Variants in RRAGC observed in about 807,000 individuals in gnomAD.
RRAGC encodes Ras related GTP binding C, also known as ras-related GTP-binding protein C.
Under a neutral mutation model 37.1 loss-of-function variants are expected in RRAGC, and 8 were observed. The observed-to-expected ratio is 0.22, with a 90% confidence interval of 0.13 to 0.39. The LOEUF is 0.39. RRAGC is among the 10% of genes least tolerant of loss of function. The pLI is 1.00. For missense variants in RRAGC, 342 were observed against 497.6 expected (o/e 0.69, Z 2.98); for synonymous variants, 190 against 181.1 (o/e 1.05, Z -0.39).
At chr1:38,856,707 G>A (rs755867416) in intron 2 of RRAGC, 172 bp downstream of exon 2, 1 of 607,244 alleles carries the variant, frequency 1.6e-6, no homozygotes, top group Admixed American at 3.0e-5. Context: ...TTCTGTACCT[G>A]CACAATGCAT....
At chr1:38,842,186 G>A (rs1641972392) in intron 6 of RRAGC, among the ~76,000 whole-genome samples, 1 of 152,092 alleles carries the variant, frequency 6.6e-6, no homozygotes, top group African/African-American at 2.4e-5. Context: ...GCAGGAGAAT[G>A]GCATGAACCC....
intron 6 of RRAGC, 58 bp from the exon 7 acceptor site, chr1:38,839,762 T>A: frequency 6.3e-7 from 1 of 1,574,944 alleles, no homozygotes; most frequent in Non-Finnish European, 8.7e-7. Context: ...AAATTTTATA[T>A]TTGGGTTTGC....
At position 38,854,846 on chromosome 1, in the gene RRAGC, G is replaced by A. The variant is rs74496055; in HGVS notation, c.641+862C>T. ...TAAAGAAGTCACAACAATAGAACGG[G>A]GACAGAGAAATAACTTGCTGTCTCT... On this transcript the variant is annotated intron_variant, in intron 3 of 6. Coordinates refer to ENST00000373001, the MANE Select transcript of RRAGC (RefSeq NM_022157.4). Among the ~76,000 whole-genome samples the A allele has an allele frequency of 9.1e-3, 1,388 of 152,086 alleles. 17 individuals are homozygous for A. The highest frequency in any genetic ancestry group is 0.032 in the African/African-American group (1,308 of 41,466).
In RRAGC at chr1:38,845,890, G is replaced by A. The variant is rs1218003715; in HGVS notation, c.1048+49C>T. 24 of 1,481,374 alleles carry A rather than the reference G, an allele frequency of 1.6e-5. No homozygotes were observed. The African/African-American group carries it at 1.8e-4, about 11-fold the overall frequency. 91.8% of individuals were successfully genotyped at this position (1,481,374 alleles called of 1,614,324 possible). Reference sequence around the variant, plus strand: ...TCACTTGTTTTCAAGAACCTGAGAAGTTATGGCAAAGAAATTAACATAAAA... The same window carrying A: ...TCACTTGTTTTCAAGAACCTGAGAAATTATGGCAAAGAAATTAACATAAAA... On this transcript the variant is annotated intron_variant, in intron 6 of 6. Coordinates refer to ENST00000373001, the MANE Select transcript of RRAGC (RefSeq NM_022157.4).
intron 2 of RRAGC, among the ~76,000 whole-genome samples, chr1:38,856,292 T>C (rs779916177): frequency 6.6e-5 from 10 of 152,194 alleles, no homozygotes; most frequent in Non-Finnish European, 1.2e-4. Flanking sequence ...CCTAACAATA[T>C]TGTGAAGCTT....
At position 38,859,642 on chromosome 1, in the gene RRAGC, G is replaced by T; in HGVS notation, c.5C>A (p.Ser2Tyr). 1 of 1,554,406 alleles carries T rather than the reference G, an allele frequency of 6.4e-7. No homozygotes were observed. ...CGTCTCCTCCGCCCCGTACTGCAGG[G>T]ACATGGTGCTGGAGCCGCCGCCGCC... is the stretch of plus-strand genomic sequence containing the variant. M[S>Y]LQYGAEETPL... is the part of the protein sequence containing the mutation. Residue 2 changes from serine to tyrosine, a missense_variant, in exon 1 of 7, where the codon TCC becomes TAC. By Grantham distance (144) the Ser-to-Tyr change is moderately radical (BLOSUM62 -2). Around this residue, in one of 3 missense-constraint regions of RRAGC, gnomAD observed 104 missense variants for 93.4 expected, o/e 1.11. Coordinates refer to ENST00000373001, the MANE Select transcript of RRAGC (RefSeq NM_022157.4).
chr1:38,842,944 CTA>C (rs1641981754), intron 6 of RRAGC, among the ~76,000 whole-genome samples: 2 of 152,096 alleles, frequency 1.3e-5, no homozygotes, highest in African/African-American at 4.8e-5. Context: ...ATACAATACT[CTA>C]TTGTTTAAGG....
In RRAGC at chr1:38,859,662, G is replaced by C; in HGVS notation, c.-16C>G. The C allele has an allele frequency of 6.5e-7, 1 of 1,531,334 alleles. No individual in the cohort carries two copies. The highest frequency in any genetic ancestry group is 2.5e-5 in the East Asian group (1 of 39,366). 94.9% of individuals were successfully genotyped at this position (1,531,334 alleles called of 1,614,324 possible). A position where few individuals can be genotyped will look rare whatever the true frequency, so the allele number is the denominator to read the frequency against. On this transcript the variant is annotated 5_prime_UTR_variant, in exon 1 of 7. Coordinates refer to ENST00000373001, the MANE Select transcript of RRAGC (RefSeq NM_022157.4). ...GCAGGGACATGGTGCTGGAGCCGCC[G>C]CCGCCCGCGCCCTGACAGGCCAGGC...
chr1:38,849,835 G>A (rs1642076667), intron 5 of RRAGC, among the ~76,000 whole-genome samples: 1 of 152,154 alleles, frequency 6.6e-6, no homozygotes, highest in Non-Finnish European at 1.5e-5. Flanking sequence ...CTCATCCATT[G>A]TTTAAATTAG....
intron 5 of RRAGC, among the ~76,000 whole-genome samples, chr1:38,850,724 G>C (rs1280560315): frequency 6.6e-6 from 1 of 152,136 alleles, no homozygotes; most frequent in African/African-American, 2.4e-5. Flanking sequence ...GACACAGGTA[G>C]TAGAAAGCAA....
Position 38,857,021 on chromosome 1 carries a change from T to A in RRAGC, c.299A>T (p.Tyr100Phe), listed in dbSNP as rs1218141736. The A allele has an allele frequency of 4.3e-6, 7 of 1,613,964 alleles. No homozygotes were observed. In the Middle Eastern group the frequency reaches 4.9e-4, roughly 114 times the overall value. ...GGAGCTATTGGAAATGTCATCCTTA[T>A]AAATCTTGTTGGTACTTTCCAAAAA... ...TLFLESTNKI[Y>F]KDDISNSSFV... is the part of the protein sequence containing the mutation. The change falls in exon 2 of 7, where the codon TAT (tyrosine) becomes TTT (phenylalanine). Residue 100 changes from tyrosine (Y) to phenylalanine (F), a missense_variant. Around this residue, in one of 3 missense-constraint regions of RRAGC, gnomAD observed 134 missense variants for 277.2 expected, o/e 0.48. Coordinates refer to ENST00000373001, the MANE Select transcript of RRAGC (RefSeq NM_022157.4).
intron 6 of RRAGC, among the ~76,000 whole-genome samples, chr1:38,844,076 C>A (rs1184709805): frequency 6.6e-6 from 1 of 152,048 alleles, no homozygotes; most frequent in Admixed American, 6.6e-5. Context: ...CACGAAATCT[C>A]CTCTGTGAAC....
chr1:38,850,846 T>C lies in RRAGC; in HGVS notation c.899+769A>G, dbSNP rs547190665. On this transcript the variant is annotated intron_variant, in intron 5 of 6. Coordinates refer to ENST00000373001, the MANE Select transcript of RRAGC (RefSeq NM_022157.4). ...ATGTTATTAACTCTTTTTTTGTTGTTTTTTTTTGGTAAAGCTGAGGTCTAT... is the reference window on the plus strand; with the variant it reads ...ATGTTATTAACTCTTTTTTTGTTGTCTTTTTTTGGTAAAGCTGAGGTCTAT... Among the ~76,000 whole-genome samples the C allele has an allele frequency of 4.0e-5, 6 of 151,430 alleles. No homozygotes were observed. The South Asian group carries it at 1.3e-3, about 32-fold the overall frequency.
At chr1:38,859,143 G>A (rs540142648) in intron 1 of RRAGC, among the ~76,000 whole-genome samples, 146 of 152,390 alleles carry the variant, frequency 9.6e-4, no homozygotes, top group Middle Eastern at 3.4e-3. Context: ...GTCCCAGGGG[G>A]CGGAGGTCTT....
chr1:38,840,224 G>A (rs575828363), intron 6 of RRAGC, among the ~76,000 whole-genome samples: 4 of 151,144 alleles, frequency 2.6e-5, no homozygotes, highest in Admixed American at 6.6e-5. Flanking sequence ...AAACAAATGC[G>A]ATTGCAATTA....
chr1:38,849,007 G>A (rs892216442), intron 5 of RRAGC, among the ~76,000 whole-genome samples: 1 of 151,768 alleles, frequency 6.6e-6, no homozygotes, highest in Non-Finnish European at 1.5e-5. Flanking sequence ...GCACACGCCT[G>A]TAGTCAGGAG....
chr1:38,840,800 G>C (rs11586091), intron 6 of RRAGC, among the ~76,000 whole-genome samples: 1 of 152,204 alleles, frequency 6.6e-6, no homozygotes, highest in East Asian at 1.9e-4. Flanking sequence ...TGAATAAGTA[G>C]GTTACAGCCA....
intron 3 of RRAGC, among the ~76,000 whole-genome samples, chr1:38,854,452 C>T (rs1293003538): frequency 6.6e-6 from 1 of 152,122 alleles, no homozygotes; most frequent in Non-Finnish European, 1.5e-5. Flanking sequence ...ATGGCATGTA[C>T]CACTAGGGTG....
chr1:38,859,272 T>G (rs906068835), intron 1 of RRAGC, 138 bp downstream of exon 1: 13 of 846,456 alleles, frequency 1.5e-5, no homozygotes, highest in Non-Finnish European at 2.3e-5. Context: ...GCCGCGCCTG[T>G]GCGCTCGCAA....
Sources: gnomAD v4.1 joint callset for allele counts (sites outside exome capture counted in the v4.1 genomes callset) on GRCh38, gnomAD v4.1.1 for gene constraint, gnomAD v4.1.1 regional missense constraint, MANE v1.5 for transcripts, NCBI Gene and HGNC (gene_info 2026-07-23, HGNC 2026-07-21) for gene names.